Variants in IPCEF1 observed in about 807,000 individuals in gnomAD.
IPCEF1 encodes interaction protein for cytohesin exchange factors 1, also known as interactor protein for cytohesin exchange factors 1.
In IPCEF1, 31 loss-of-function variants were observed where a neutral mutation model predicts 50.9. The observed-to-expected ratio is 0.61, with a 90% CI of 0.46 to 0.82. IPCEF1 has a LOEUF of 0.82. Ranked by LOEUF, IPCEF1 falls within the 40% of genes least tolerant of loss-of-function variation. The probability of loss-of-function intolerance (pLI) is 0.00; values close to 1 mark genes in which losing one functional copy is unlikely to be tolerated. For synonymous variants in IPCEF1, 181 were observed against 192.0 expected (o/e 0.94, Z 0.47); for missense variants, 458 against 514.0 (o/e 0.89, Z 1.05).
At chr6:154,171,724 G>A (rs1360787181) in intron 10 of IPCEF1, among the ~76,000 whole-genome samples, 1 of 152,178 alleles carries the variant, frequency 6.6e-6, no homozygotes, top group Non-Finnish European at 1.5e-5. Context: ...ACAGTCATGG[G>A]GTCAAGCTGG....
At chr6:154,176,448 T>G (rs56063182) in intron 10 of IPCEF1, among the ~76,000 whole-genome samples, 1 of 152,218 alleles carries the variant, frequency 6.6e-6, no homozygotes, top group Non-Finnish European at 1.5e-5. Context: ...CAAAATCTCC[T>G]TAAGCTGATA....
Position 154,199,858 on chromosome 6 carries a change from C to T in IPCEF1, c.720G>A (p.Thr240=), listed in dbSNP as rs1199847900. ...CAGGTGAATGAACTTGCACAGCAAA[C>T]GTTATTGGTTGTCCCTCATCTTCAG... ...SAAEDEGQPI[T]FAVQVHSPVP... is the part of the protein sequence containing the mutation. The change falls in exon 10 of 12, where the codon ACG becomes ACA. Residue 240 remains threonine (T), a synonymous_variant. Transcript: ENST00000367220. 9 of 1,614,042 alleles carry T rather than the reference C, an allele frequency of 5.6e-6. No individual in the cohort carries two copies. The highest frequency in any genetic ancestry group is 4.5e-5 in the East Asian group (2 of 44,888).
At chr6:154,273,899 G>A (rs1318339757) in intron 2 of IPCEF1, among the ~76,000 whole-genome samples, 4 of 150,354 alleles carry the variant, frequency 2.7e-5, no homozygotes, top group African/African-American at 7.3e-5. Flanking sequence ...GACTGCAGGC[G>A]CCCGCCACCA....
chr6:154,338,356 C>T, intron 1 of IPCEF1, among the ~76,000 whole-genome samples: 1 of 152,198 alleles, frequency 6.6e-6, no homozygotes. Flanking sequence ...GGATAGGGAA[C>T]TGAGAGCCAA....
chr6:154,349,189 A>C (rs1584014778), intron 1 of IPCEF1, among the ~76,000 whole-genome samples: 2 of 141,892 alleles, frequency 1.4e-5, no homozygotes, highest in African/African-American at 2.7e-5. Context: ...TTATCTTATT[A>C]TTATTATTAT....
intron 7 of IPCEF1, among the ~76,000 whole-genome samples, chr6:154,218,474 G>A (rs1163698010): frequency 1.3e-5 from 2 of 152,112 alleles, no homozygotes; most frequent in Non-Finnish European, 2.9e-5. Flanking sequence ...GTTGCCCAGG[G>A]AGAGGAACTT....
chr6:154,300,860 A>T (rs1782774194), intron 1 of IPCEF1, among the ~76,000 whole-genome samples: 1 of 152,218 alleles, frequency 6.6e-6, no homozygotes, highest in South Asian at 2.1e-4. Flanking sequence ...TTTTATTGTT[A>T]TGAACTAGGA....
chr6:154,226,169 C>G (rs1047996877), intron 5 of IPCEF1, among the ~76,000 whole-genome samples: 2 of 152,148 alleles, frequency 1.3e-5, no homozygotes, highest in African/African-American at 4.8e-5. Flanking sequence ...TATGGATGAT[C>G]ATACACACCC....
chr6:154,305,773 T>A (rs191776712), intron 1 of IPCEF1, among the ~76,000 whole-genome samples: 93 of 152,190 alleles, frequency 6.1e-4, no homozygotes, highest in African/African-American at 2.2e-3. Context: ...GTGGGAGAAA[T>A]GGACTTGCTG....
At chr6:154,252,941 C>G (rs929377235) in intron 3 of IPCEF1, among the ~76,000 whole-genome samples, 1 of 152,146 alleles carries the variant, frequency 6.6e-6, no homozygotes, top group African/African-American at 2.4e-5. Context: ...GTGCTTAAAC[C>G]CTTTTATTGC....
At chr6:154,288,105 C>T (rs371481801) in intron 2 of IPCEF1, among the ~76,000 whole-genome samples, 7 of 151,984 alleles carry the variant, frequency 4.6e-5, no homozygotes, top group African/African-American at 7.3e-5. Context: ...ACCAGGACAA[C>T]GGGTTTTAAT....
intron 11 of IPCEF1, among the ~76,000 whole-genome samples, chr6:154,162,752 A>G (rs887594029): frequency 8.6e-5 from 13 of 152,018 alleles, no homozygotes; most frequent in African/African-American, 3.1e-4. Context: ...CCACTCTCCT[A>G]TGTGCTGAGG....
In IPCEF1 at chr6:154,246,871, C is replaced by T. The variant is rs187128277; in HGVS notation, c.77-111G>A. On this transcript the variant is annotated intron_variant, in intron 4 of 11. Coordinates refer to ENST00000367220, the MANE Select transcript of IPCEF1 (RefSeq NM_001130700.2). Reference sequence around the variant, plus strand: ...AGGCAACTTTTAATTGTTAACCCCCCGGGGAGCTGGATTTTTCACCAAGAT... The same window carrying T: ...AGGCAACTTTTAATTGTTAACCCCCTGGGGAGCTGGATTTTTCACCAAGAT... 1.2e-3 allele frequency: 1,472 copies of T among 1,240,266 alleles called. 9 individuals are homozygous for T. The African/African-American group carries it at 0.02, about 17-fold the overall frequency. The allele number at this position is 1,240,266 out of a possible 1,614,324, so 76.8% of individuals were successfully genotyped here.
intron 1 of IPCEF1, among the ~76,000 whole-genome samples, chr6:154,350,496 C>A (rs935534301): frequency 1.3e-5 from 2 of 152,162 alleles, no homozygotes; most frequent in Admixed American, 6.5e-5. Context: ...CTGTTTGAGG[C>A]CCAATGCCAC....
At chr6:154,231,390 C>G (rs1779705123) in intron 5 of IPCEF1, among the ~76,000 whole-genome samples, 1 of 152,200 alleles carries the variant, frequency 6.6e-6, no homozygotes. Flanking sequence ...AGAAATTCCA[C>G]TTCTGGGATC....
chr6:154,275,773 A>G (rs1782039635), intron 2 of IPCEF1, among the ~76,000 whole-genome samples: 1 of 152,126 alleles, frequency 6.6e-6, no homozygotes. Flanking sequence ...TTCACTGGCT[A>G]GAAGGCAGCC....
At chr6:154,254,946 A>G (rs554139009) in intron 3 of IPCEF1, among the ~76,000 whole-genome samples, 30 of 151,680 alleles carry the variant, frequency 2.0e-4, no homozygotes, top group Non-Finnish European at 3.4e-4. Context: ...CTGATGTTTA[A>G]TTTAGTATTT....
chr6:154,348,655 G>A (rs1784074244), intron 1 of IPCEF1, among the ~76,000 whole-genome samples: 1 of 152,186 alleles, frequency 6.6e-6, no homozygotes, highest in South Asian at 2.1e-4. Flanking sequence ...TGGAAAAAGA[G>A]GTTGGGATTT....
At chr6:154,183,852 T>G (rs899067049) in intron 10 of IPCEF1, among the ~76,000 whole-genome samples, 3 of 151,972 alleles carry the variant, frequency 2.0e-5, no homozygotes, top group African/African-American at 7.2e-5. Context: ...GTCATGCCAC[T>G]GCACTCCAGC....
Sources: allele counts gnomAD v4.1 joint callset (sites outside exome capture counted in the v4.1 genomes callset), GRCh38; gene constraint gnomAD v4.1.1; transcripts MANE v1.5; gene names NCBI Gene and HGNC (gene_info 2026-07-23, HGNC 2026-07-21).